CD163L1: variants seen among roughly 807,000 people sequenced by gnomAD.
The protein encoded by CD163L1 is CD163 molecule like 1, also known as scavenger receptor cysteine-rich type 1 protein M160.
CD163L1 carries 124 observed loss-of-function variants against 165.4 expected under a neutral mutation model. That is an observed-to-expected ratio of 0.75 (90% CI 0.65 to 0.87). CD163L1 has a LOEUF of 0.87. CD163L1 is among the 40% of genes least tolerant of loss of function. The pLI, the probability that CD163L1 is intolerant of heterozygous loss-of-function variation, is 0.00. For synonymous variants in CD163L1, 585 were observed against 662.2 expected, an observed-to-expected ratio of 0.88 and a Z score of 1.79; for missense variants, 1,525 against 1,799.9, an observed-to-expected ratio of 0.85 and a Z score of 2.76.
chr12:7,344,323 T>G (rs1045427234), downstream of CD163L1, among the ~76,000 whole-genome samples: 9 of 152,122 alleles, frequency 5.9e-5, no homozygotes, highest in African/African-American at 2.2e-4. Context: ...CTCAACTACA[T>G]GCAATCTGCC....
intron 18 of CD163L1, among the ~76,000 whole-genome samples, chr12:7,365,810 C>G (rs1947005636): frequency 6.6e-6 from 1 of 151,964 alleles, no homozygotes; most frequent in South Asian, 2.1e-4. Context: ...ACACCATTGA[C>G]AGGAATATAA....
At position 7,347,173 on chromosome 12, in the gene CD163L1, G is replaced by A. The variant is rs1047618482; in HGVS notation, c.*25-26C>T. Reference sequence around the variant, plus strand: ...CTATTTTTAAAGAAATTAATTGTAAGTGCAGAAATTTTTCTCTCTGTTGTC... The same window carrying A: ...CTATTTTTAAAGAAATTAATTGTAAATGCAGAAATTTTTCTCTCTGTTGTC... On this transcript the variant is annotated intron_variant, in intron 4 of 4. Transcript: ENST00000539726. The surrounding 1 kb of genome is among the most constrained non-coding windows in gnomAD (Gnocchi z 4.2). 1 of 152,138 alleles carries A rather than the reference G, an allele frequency of 6.6e-6. No homozygotes were observed. The highest frequency in any genetic ancestry group is 1.5e-5 in the Non-Finnish European group (1 of 68,016). 9.4% of individuals were successfully genotyped at this position (152,138 alleles called of 1,614,324 possible).
chr12:7,415,268 T>C (rs1046520688), intron 4 of CD163L1, among the ~76,000 whole-genome samples: 1 of 152,020 alleles, frequency 6.6e-6, no homozygotes. Flanking sequence ...AACTCTAATA[T>C]GCGTCATGTA....
intron 18 of CD163L1, among the ~76,000 whole-genome samples, chr12:7,361,635 T>C (rs1946894019): frequency 1.3e-5 from 2 of 152,084 alleles, no homozygotes; most frequent in Non-Finnish European, 2.9e-5. Flanking sequence ...CCTTCCCCTG[T>C]CCTCTGGCCA....
intron 8 of CD163L1, among the ~76,000 whole-genome samples, chr12:7,390,196 T>C (rs1591914407): frequency 6.6e-6 from 1 of 151,670 alleles, no homozygotes; most frequent in Non-Finnish European, 1.5e-5. Flanking sequence ...GGGAAGGGTG[T>C]GCGTGTGGTG....
the CD163L1 span, among the ~76,000 whole-genome samples, chr12:7,335,522 C>T: frequency 1.1e-4 from 16 of 152,234 alleles, no homozygotes; most frequent in Middle Eastern, 3.4e-3. Flanking sequence ...ACATGTTAGA[C>T]CTAAAACCAT....
chr12:7,323,883 A>T, the CD163L1 span, among the ~76,000 whole-genome samples: 2 of 152,174 alleles, frequency 1.3e-5, no homozygotes, highest in Non-Finnish European at 2.9e-5. Flanking sequence ...CTTTTAAAAA[A>T]ATTTAATTTC....
In CD163L1 at chr12:7,432,722, C is replaced by A. The variant is rs745392950; in HGVS notation, c.460G>T (p.Gly154Cys). 1 of 1,605,210 alleles carries A rather than the reference C, an allele frequency of 6.2e-7. No individual in the cohort carries two copies. The highest frequency in any genetic ancestry group is 8.5e-7 in the Non-Finnish European group (1 of 1,174,896). ...GVNCYGEANLGLRLVDGNNSC... is the reference protein window; with the variant it reads ...GVNCYGEANLCLRLVDGNNSC... Reference sequence around the variant, plus strand: ...TTGTTTCCATCCACTAGCCTCAAACCCAGATTGGCTTCACCTACGAGAAAG... The same window carrying A: ...TTGTTTCCATCCACTAGCCTCAAACACAGATTGGCTTCACCTACGAGAAAG... The change falls in exon 4 of 20, where the codon GGT becomes TGT. Residue 154 changes from glycine to cysteine, a missense_variant. Transcript: ENST00000313599. The surrounding 1 kb of genome is among the most constrained non-coding windows in gnomAD (Gnocchi z 4.2).
rs1491543868 is a variant in CD163L1 at position 7,421,498 on chromosome 12, T to TATACACACATATGTATATATACATATAC, written c.766+10917_766+10918insGTATATGTATATATACATATGTGTGTAT. ...ACATATATGTACATATATACATATA[T>TATACACACATATGTATATATACATATAC]GTACATATACATATACATATATGTA... On this transcript the variant is annotated intron_variant, in intron 4 of 19. Transcript: ENST00000313599. 3.7e-5 allele frequency among the ~76,000 whole-genome samples: 3 copies of TATACACACATATGTATATATACATATAC among 80,378 alleles called. No individual in the cohort carries two copies. In the South Asian group the frequency reaches 1.3e-3, roughly 34 times the overall value. 52.7% of individuals were successfully genotyped at this position (80,378 alleles called of 152,430 possible).
intron 5 of CD163L1, 64 bp downstream of exon 5, chr12:7,406,458 CTTTTTCAGGG>C: frequency 6.9e-7 from 1 of 1,448,924 alleles, no homozygotes; most frequent in Non-Finnish European, 9.5e-7. Context: ...TTGGTTGTAA[CTTTTTCAGGG>C]TTTGGTCCTA....
At chr12:7,441,289 T>G (rs760069692) in intron 1 of CD163L1, 43 bp from the exon 2 acceptor site, 1 of 1,424,088 alleles carries the variant, frequency 7.0e-7, no homozygotes, top group Admixed American at 1.7e-5. Context: ...CATGTCTTTC[T>G]AAGAAATGTT....
intron 18 of CD163L1, among the ~76,000 whole-genome samples, chr12:7,362,948 G>T (rs1946935293): frequency 6.6e-6 from 1 of 151,242 alleles, no homozygotes; most frequent in Non-Finnish European, 1.5e-5. Context: ...AGGAAATAAA[G>T]AAATTAAGAA....
At chr12:7,414,801 A>C (rs779664212) in intron 4 of CD163L1, among the ~76,000 whole-genome samples, 16 of 152,266 alleles carry the variant, frequency 1.1e-4, no homozygotes, top group Non-Finnish European at 2.1e-4. Context: ...AGTGGGATGA[A>C]ATAGTGAATG....
the CD163L1 span, among the ~76,000 whole-genome samples, chr12:7,323,039 C>T: frequency 6.6e-6 from 1 of 152,292 alleles, no homozygotes; most frequent in East Asian, 1.9e-4. Flanking sequence ...TGTGTTTCAA[C>T]AATGTTCCAG....
intron 4 of CD163L1, among the ~76,000 whole-genome samples, chr12:7,421,502 C>CATAT (rs1159076179): frequency 2.8e-5 from 2 of 72,524 alleles, no homozygotes; most frequent in African/African-American, 1.5e-4. Flanking sequence ...CATATATGTA[C>CATAT]ATATACATAT....
rs1218579494 is a variant in CD163L1 at position 7,421,074 on chromosome 12, CGTAT to C, written c.766+11338_766+11341del. On this transcript the variant is annotated intron_variant, in intron 4 of 19. Coordinates refer to ENST00000313599, the MANE Select transcript of CD163L1 (RefSeq NM_174941.6). ...GTATATACGTATATATGTATATATA[CGTAT>C]ATATATACGTATATATATGTATATA... 3.8e-4 allele frequency among the ~76,000 whole-genome samples: 34 copies of C among 90,400 alleles called. 1 individual carries two copies. The highest frequency in any genetic ancestry group is 8.9e-4 in the African/African-American group (13 of 14,656). The allele number at this position is 90,400 out of a possible 152,430, so 59.3% of individuals were successfully genotyped here.
At position 7,421,448 on chromosome 12, in the gene CD163L1, TATATGTAC is replaced by T. The variant is rs1948393561; in HGVS notation, c.766+10960_766+10967del. ...ATATATGTACATATATACATATACA[TATATGTAC>T]ATATATACATATATATACATATATG... On this transcript the variant is annotated intron_variant, in intron 4 of 19. Coordinates refer to ENST00000313599, the MANE Select transcript of CD163L1 (RefSeq NM_174941.6). Among the ~76,000 whole-genome samples, 3 of 122,734 alleles carry T rather than the reference TATATGTAC, an allele frequency of 2.4e-5. No individual in the cohort carries two copies. The South Asian group carries it at 8.1e-4, about 33-fold the overall frequency. 80.5% of individuals were successfully genotyped at this position (122,734 alleles called of 152,430 possible).
chr12:7,390,972 A>C (rs772408455), intron 8 of CD163L1, among the ~76,000 whole-genome samples: 1 of 152,188 alleles, frequency 6.6e-6, no homozygotes, highest in Non-Finnish European at 1.5e-5. Context: ...AAGGATGGCC[A>C]AATAGAAACA....
chr12:7,322,454 AG>A, the CD163L1 span: 9 of 1,613,792 alleles, frequency 5.6e-6, no homozygotes, highest in Non-Finnish European at 7.6e-6. Context: ...GCTTGACCGG[AG>A]GGGAGCCACT....
Sources: gnomAD v4.1 joint callset for allele counts (sites outside exome capture counted in the v4.1 genomes callset) on GRCh38, gnomAD v4.1.1 for gene constraint, Gnocchi (gnomAD v3.1) non-coding constraint, MANE v1.5 for transcripts, NCBI Gene and HGNC (gene_info 2026-07-23, HGNC 2026-07-21) for gene names.